ADARB2: variants seen among roughly 807,000 people sequenced by gnomAD.
The protein encoded by ADARB2 is inactive double-stranded RNA-specific editase B2.
A neutral mutation model predicts 62.2 loss-of-function variants in ADARB2; 25 were observed. That is an observed-to-expected ratio of 0.40 (90% CI 0.29 to 0.56). The LOEUF is 0.56. Ranked by LOEUF, ADARB2 falls within the 20% of genes least tolerant of loss-of-function variation. ADARB2 has a pLI of 0.43. For synonymous variants in ADARB2, 572 were observed against 500.8 expected, an observed-to-expected ratio of 1.14 and a Z score of -1.90; for missense variants, 1,071 against 1,077.4, an observed-to-expected ratio of 0.99 and a Z score of 0.08.
chr10:1,362,497 G>A (rs1832267427), intron 3 of ADARB2, among the ~76,000 whole-genome samples: 1 of 152,198 alleles, frequency 6.6e-6, no homozygotes, highest in Admixed American at 6.5e-5. Flanking sequence ...CAGCTGCGCA[G>A]GAAGGAACCG....
intron 1 of ADARB2, among the ~76,000 whole-genome samples, chr10:1,706,582 G>A (rs1037482366): frequency 6.6e-6 from 1 of 152,194 alleles, no homozygotes; most frequent in African/African-American, 2.4e-5. Flanking sequence ...ATTCCTCCAA[G>A]TATTTTTATT....
chr10:1,266,563 G>A (rs1173589322), intron 4 of ADARB2, among the ~76,000 whole-genome samples: 1 of 152,154 alleles, frequency 6.6e-6, no homozygotes, highest in African/African-American at 2.4e-5. Flanking sequence ...TGATGGAAAT[G>A]GGCCCTGGGC....
intron 3 of ADARB2, among the ~76,000 whole-genome samples, chr10:1,289,452 C>T (rs1469127476): frequency 6.6e-6 from 1 of 152,200 alleles, no homozygotes; most frequent in Non-Finnish European, 1.5e-5. Flanking sequence ...CTTTTGGGTT[C>T]ACGTTGGGGA....
intron 2 of ADARB2, among the ~76,000 whole-genome samples, chr10:1,367,419 A>G (rs1224437808): frequency 1.3e-5 from 2 of 152,340 alleles, no homozygotes; most frequent in East Asian, 3.9e-4. Flanking sequence ...CAAAATGTGG[A>G]TCTGAGAGCT....
chr10:1,485,541 T>C (rs1268192737), intron 1 of ADARB2, among the ~76,000 whole-genome samples: 2 of 152,132 alleles, frequency 1.3e-5, no homozygotes, highest in East Asian at 1.9e-4. Context: ...CGCTGCCCAC[T>C]TGCAGTGGGT....
intron 7 of ADARB2, among the ~76,000 whole-genome samples, chr10:1,214,096 ATCGTGTAGGTTTGCACCTGTGTCCAGCG>A (rs1476579728): frequency 1.3e-4 from 14 of 103,736 alleles, no homozygotes; most frequent in African/African-American, 4.6e-4. Context: ...TGTGTCCAGC[ATCGTGTAGGTTTGCACCTGTGTCCAGCG>A]TCATGTAGGT....
chr10:1,277,114 G>A (rs1273127643), intron 3 of ADARB2, among the ~76,000 whole-genome samples: 1 of 152,242 alleles, frequency 6.6e-6, no homozygotes, highest in Non-Finnish European at 1.5e-5. Flanking sequence ...GCAGTGTGTA[G>A]AGGGAAATTT....
At chr10:1,665,881 G>A (rs1374243246) in intron 1 of ADARB2, among the ~76,000 whole-genome samples, 3 of 152,202 alleles carry the variant, frequency 2.0e-5, no homozygotes, top group Non-Finnish European at 2.9e-5. Context: ...AGGCCTCCAG[G>A]CCCACAGTAA....
chr10:1,404,665 C>T (rs556421640), intron 1 of ADARB2, among the ~76,000 whole-genome samples: 1 of 152,318 alleles, frequency 6.6e-6, no homozygotes, highest in South Asian at 2.1e-4. Flanking sequence ...TGGCGAGTCT[C>T]TTAAAGCTGC....
intron 1 of ADARB2, among the ~76,000 whole-genome samples, chr10:1,654,149 A>C (rs1044232162): frequency 2.6e-5 from 4 of 152,286 alleles, no homozygotes; most frequent in Admixed American, 2.6e-4. Flanking sequence ...GTTGTAAGCC[A>C]CATCAAATCC....
In ADARB2 at chr10:1,336,792, A is replaced by T. The variant is rs532651439; in HGVS notation, c.1077+26236T>A. On this transcript the variant is annotated intron_variant, in intron 3 of 9. Transcript: ENST00000381312. ...GTGAAGTTTTATTATTGTCCTTAGC[A>T]TTGAAAGAATTGCTTGCAGGATGTT... 9.2e-5 allele frequency among the ~76,000 whole-genome samples: 14 copies of T among 152,232 alleles called. No homozygotes were observed. In the East Asian group the frequency reaches 2.7e-3, roughly 29 times the overall value.
intron 1 of ADARB2, among the ~76,000 whole-genome samples, chr10:1,674,720 G>T (rs1318880127): frequency 6.6e-6 from 1 of 152,170 alleles, no homozygotes; most frequent in Non-Finnish European, 1.5e-5. Context: ...CTCATCAACT[G>T]TAAGTGAGTA....
chr10:1,316,659 C>T (rs1177809903), intron 3 of ADARB2, among the ~76,000 whole-genome samples: 4 of 152,168 alleles, frequency 2.6e-5, no homozygotes, highest in South Asian at 2.1e-4. Context: ...CTGAGAATCT[C>T]GCAGAAGCAG....
chr10:1,595,276 A>C (rs189488266), intron 1 of ADARB2, among the ~76,000 whole-genome samples: 179 of 152,360 alleles, frequency 1.2e-3, no homozygotes, highest in Non-Finnish European at 1.7e-3. Context: ...AATGCGCTGA[A>C]GAACAGCTTG....
intron 3 of ADARB2, among the ~76,000 whole-genome samples, chr10:1,294,150 G>A (rs1831502819): frequency 6.6e-6 from 1 of 152,148 alleles, no homozygotes; most frequent in East Asian, 1.9e-4. Flanking sequence ...TTTGAGATGA[G>A]GAAGAATTCA....
intron 1 of ADARB2, among the ~76,000 whole-genome samples, chr10:1,464,285 G>A (rs1196230572): frequency 1.5e-5 from 2 of 131,082 alleles, no homozygotes; most frequent in Admixed American, 7.5e-5. Context: ...CCACACACGC[G>A]CTGGGGACAG....
At chr10:1,496,246 C>T (rs1239578436) in intron 1 of ADARB2, among the ~76,000 whole-genome samples, 1 of 151,942 alleles carries the variant, frequency 6.6e-6, no homozygotes, top group Admixed American at 6.6e-5. Flanking sequence ...TTATCACCAT[C>T]ATCATTGTCA....
In ADARB2 at chr10:1,451,573, G is replaced by T. The variant is rs140277563; in HGVS notation, c.101-72413C>A. Among the ~76,000 whole-genome samples the T allele has an allele frequency of 2.0e-5, 3 of 151,518 alleles. No individual in the cohort carries two copies. In the East Asian group the frequency reaches 5.8e-4, roughly 29 times the overall value. ...AGGGGACACACCTGTATGAGGAGGG[G>T]ACACACCTGTATGAGGAGGGGCTCA... On this transcript the variant is annotated intron_variant, in intron 1 of 9. Coordinates refer to ENST00000381312, the MANE Select transcript of ADARB2 (RefSeq NM_018702.4).
At chr10:1,549,704 C>G (rs1409842261) in intron 1 of ADARB2, among the ~76,000 whole-genome samples, 1 of 152,004 alleles carries the variant, frequency 6.6e-6, no homozygotes, top group African/African-American at 2.4e-5. Context: ...CCCATTGTCC[C>G]CATCCTCTAG....
Sources: gnomAD v4.1 joint callset for allele counts (sites outside exome capture counted in the v4.1 genomes callset) on GRCh38, gnomAD v4.1.1 for gene constraint, MANE v1.5 for transcripts, NCBI Gene and HGNC (gene_info 2026-07-23, HGNC 2026-07-21) for gene names.